TBC1D1: variants seen among roughly 807,000 people sequenced by gnomAD.
TBC1D1 encodes the protein TBC1 domain family member 1, also known as TBC1 (tre-2/USP6, BUB2, cdc16) domain family, member 1.
A neutral mutation model predicts 125.6 loss-of-function variants in TBC1D1; 89 were observed. That is an observed-to-expected ratio of 0.71 (90% CI 0.60 to 0.85). The LOEUF (loss-of-function observed/expected upper bound fraction) is 0.85, where lower values mean the gene tolerates loss of function less well. Among genes scored for constraint, TBC1D1 ranks in the 40% least tolerant of loss-of-function variants. The pLI, the probability that TBC1D1 is intolerant of heterozygous loss-of-function variation, is 0.00. For synonymous variants in TBC1D1, 565 were observed against 564.1 expected, an observed-to-expected ratio of 1.00 and a Z score of -0.02; for missense variants, 1,377 against 1,469.2, an observed-to-expected ratio of 0.94 and a Z score of 1.03.
At chr4:38,052,168 T>C (rs1440783941) in intron 11 of TBC1D1, 108 bp downstream of exon 12, 8 of 126,922 alleles carry the variant, frequency 6.3e-5, no homozygotes, top group Non-Finnish European at 9.6e-5. Flanking sequence ...GCAGAGCCAC[T>C]GTGTGTGTGT....
At chr4:38,042,475 G>A (rs555329638) in intron 8 of TBC1D1, among the ~76,000 whole-genome samples, 71 of 151,856 alleles carry the variant, frequency 4.7e-4, no homozygotes, top group Non-Finnish European at 8.1e-4. Context: ...GGCTGGTCTC[G>A]AACTCCTGAC....
At chr4:38,073,885 T>C (rs1186101820) in intron 12 of TBC1D1, among the ~76,000 whole-genome samples, 2 of 152,212 alleles carry the variant, frequency 1.3e-5, no homozygotes, top group Admixed American at 1.3e-4. Context: ...CAGCCATTCT[T>C]GAAATCCACC....
chr4:37,933,208 C>G (rs1343745795), intron 2 of TBC1D1, among the ~76,000 whole-genome samples: 1 of 151,994 alleles, frequency 6.6e-6, no homozygotes, highest in East Asian at 1.9e-4. Flanking sequence ...TGCATATATA[C>G]TCACAAACAC....
chr4:38,118,112 G>T lies in TBC1D1; in HGVS notation c.2882G>T (p.Gly961Val). ...AATCACCTGGAGGAGCACGAGATCG[G>T]CCCCAGCCTCTACGCTGCCCCCTGG... Residue 961 changes from glycine to valine, a missense_variant, in exon 17 of 20, where the codon GGC (glycine) becomes GTC (valine). Gly to Val is a moderately radical substitution (Grantham distance 109). Transcript: ENST00000261439. The T allele has an allele frequency of 6.2e-7, 1 of 1,614,146 alleles. No individual in the cohort carries two copies. The highest frequency in any genetic ancestry group is 8.5e-7 in the Non-Finnish European group (1 of 1,180,008).
chr4:38,058,426 A>C (rs1205363984), intron 12 of TBC1D1, among the ~76,000 whole-genome samples: 1 of 152,230 alleles, frequency 6.6e-6, no homozygotes, highest in African/African-American at 2.4e-5. Flanking sequence ...CCAAGCGTGC[A>C]CAAGACTCTG....
intron 2 of TBC1D1, among the ~76,000 whole-genome samples, chr4:38,003,768 T>C (rs1394191769): frequency 6.6e-6 from 1 of 151,214 alleles, no homozygotes; most frequent in African/African-American, 2.4e-5. Context: ...CTTGGGAGGC[T>C]GAAATGGGAT....
intron 13 of TBC1D1, among the ~76,000 whole-genome samples, chr4:38,095,631 A>T (rs1423188492): frequency 6.6e-6 from 1 of 152,168 alleles, no homozygotes; most frequent in Non-Finnish European, 1.5e-5. Context: ...GGAGGCTCAT[A>T]GTTTGATAGG....
chr4:37,922,185 C>A (rs1336630208), intron 2 of TBC1D1, among the ~76,000 whole-genome samples: 2 of 152,156 alleles, frequency 1.3e-5, no homozygotes, highest in Non-Finnish European at 2.9e-5. Context: ...TTTCACGTAT[C>A]ACTTTATTTA....
intron 2 of TBC1D1, among the ~76,000 whole-genome samples, chr4:37,939,031 G>T (rs1433253301): frequency 6.6e-6 from 1 of 152,192 alleles, no homozygotes; most frequent in Non-Finnish European, 1.5e-5. Flanking sequence ...CATCCTTTGG[G>T]TATATACCCA....
chr4:37,992,714 T>C (rs188635097), intron 2 of TBC1D1, among the ~76,000 whole-genome samples: 4 of 151,974 alleles, frequency 2.6e-5, no homozygotes, highest in African/African-American at 4.8e-5. Flanking sequence ...CAGATGGTCT[T>C]GATCTCCTGA....
At chr4:37,912,220 A>G (rs1377892590) in intron 2 of TBC1D1, among the ~76,000 whole-genome samples, 1 of 152,198 alleles carries the variant, frequency 6.6e-6, no homozygotes, top group Non-Finnish European at 1.5e-5. Context: ...TTCATCGTAG[A>G]TGTATCTTCT....
At chr4:38,005,724 T>C (rs974236398) in intron 2 of TBC1D1, among the ~76,000 whole-genome samples, 10 of 152,354 alleles carry the variant, frequency 6.6e-5, no homozygotes, top group African/African-American at 1.2e-4. Context: ...GTGTTTTTCA[T>C]TGAGGCAGAT....
intron 1 of TBC1D1, among the ~76,000 whole-genome samples, chr4:37,899,348 C>T (rs1372237248): frequency 1.3e-5 from 2 of 152,090 alleles, no homozygotes; most frequent in Admixed American, 6.6e-5. Flanking sequence ...AGCCTATAGG[C>T]TATCCAGATA....
chr4:38,043,269 T>G (rs935617028), intron 8 of TBC1D1, among the ~76,000 whole-genome samples: 1 of 150,700 alleles, frequency 6.6e-6, no homozygotes, highest in Non-Finnish European at 1.5e-5. Context: ...TAAGAAACAA[T>G]TTAATTCAGA....
chr4:38,011,054 A>G (rs1055404644), intron 2 of TBC1D1, among the ~76,000 whole-genome samples: 12 of 152,234 alleles, frequency 7.9e-5, no homozygotes, highest in African/African-American at 2.4e-4. Context: ...CATTTTTTAG[A>G]AAATAGTGCC....
At chr4:38,090,243 A>G (rs185374472) in intron 13 of TBC1D1, 126 bp downstream of exon 15, 13 of 852,310 alleles carry the variant, frequency 1.5e-5, no homozygotes, top group East Asian at 2.6e-5. Flanking sequence ...ACATCTATCT[A>G]TATCTGTTTA....
chr4:38,087,930 TG>T (rs895711559), intron 12 of TBC1D1, among the ~76,000 whole-genome samples: 2 of 147,306 alleles, frequency 1.4e-5, no homozygotes, highest in African/African-American at 2.5e-5. Flanking sequence ...TTCTGTTGCC[TG>T]GGTGGGTCCT....
intron 2 of TBC1D1, chr4:37,960,289 T>G (rs767068722): frequency 5.4e-6 from 4 of 738,034 alleles, no homozygotes; most frequent in Non-Finnish European, 6.6e-6. Context: ...GCTCTTTATA[T>G]GAGTTCATGC....
Position 38,138,379 on chromosome 4 carries a change from C to T in TBC1D1, c.*1044C>T, listed in dbSNP as rs1026537142. ...AATGCAATCATGTTCCTTTGAGTCT[C>T]CATCCCTTGGAAATCTGACTTCTTG... On this transcript the variant is annotated 3_prime_UTR_variant, in exon 20 of 20. Coordinates refer to ENST00000261439, the MANE Select transcript of TBC1D1 (RefSeq NM_015173.4). 1 of 152,440 alleles carries T rather than the reference C, an allele frequency of 6.6e-6. No individual in the cohort carries two copies. The highest frequency in any genetic ancestry group is 1.5e-5 in the Non-Finnish European group (1 of 68,026). 9.4% of individuals were successfully genotyped at this position (152,440 alleles called of 1,614,324 possible). A position where few individuals can be genotyped will look rare whatever the true frequency, so the allele number is the denominator to read the frequency against.
Sources: gnomAD v4.1 joint callset for allele counts (sites outside exome capture counted in the v4.1 genomes callset) on GRCh38, gnomAD v4.1.1 for gene constraint, MANE v1.5 for transcripts, NCBI Gene and HGNC (gene_info 2026-07-23, HGNC 2026-07-21) for gene names.